FILIP1: variants seen among roughly 807,000 people sequenced by gnomAD.
The protein encoded by FILIP1 is filamin-A-interacting protein 1.
FILIP1 carries 61 observed loss-of-function variants against 102.1 expected under a neutral mutation model. That is an observed-to-expected ratio of 0.60 (90% CI 0.49 to 0.74). The LOEUF is 0.74. Ranked by LOEUF, FILIP1 falls within the 30% of genes least tolerant of loss-of-function variation. The pLI is 0.00. For missense variants in FILIP1, 1,314 were observed against 1,441.2 expected (o/e 0.91, Z 1.43); for synonymous variants, 491 against 526.9 (o/e 0.93, Z 0.93).
chr6:75,365,793 C>T (rs1363654018), intron 2 of FILIP1, among the ~76,000 whole-genome samples: 1 of 151,972 alleles, frequency 6.6e-6, no homozygotes, highest in Non-Finnish European at 1.5e-5. Flanking sequence ...AAAGTAGTAC[C>T]TTCATAAAGA....
intron 2 of FILIP1, among the ~76,000 whole-genome samples, chr6:75,389,600 G>T (rs1008009983): frequency 3.3e-5 from 5 of 152,098 alleles, no homozygotes; most frequent in African/African-American, 1.2e-4. Context: ...TTTAGTATTA[G>T]GAGGGTGTAT....
chr6:75,396,707 A>G (rs766652934), intron 2 of FILIP1, among the ~76,000 whole-genome samples: 6 of 152,104 alleles, frequency 3.9e-5, no homozygotes, highest in Non-Finnish European at 7.4e-5. Context: ...CCTGTCTCAC[A>G]GGCTACAAAG....
intron 1 of FILIP1, among the ~76,000 whole-genome samples, chr6:75,421,634 C>G (rs946302006): frequency 1.3e-5 from 2 of 152,182 alleles, no homozygotes; most frequent in African/African-American, 4.8e-5. Flanking sequence ...CTCGTACTGA[C>G]TTCCTCTGCT....
intron 1 of FILIP1, among the ~76,000 whole-genome samples, chr6:75,463,207 G>C (rs578004768): frequency 3.9e-5 from 6 of 152,208 alleles, no homozygotes; most frequent in Non-Finnish European, 7.4e-5. Flanking sequence ...ACAAAGTAAA[G>C]CCCACTATTG....
At chr6:75,473,027 T>C (rs1462851559) in intron 1 of FILIP1, among the ~76,000 whole-genome samples, 1 of 152,198 alleles carries the variant, frequency 6.6e-6, no homozygotes. Context: ...TTAAGGTCTA[T>C]ACTCTAGAGG....
chr6:75,315,599 G>A (rs1332666341), intron 4 of FILIP1, among the ~76,000 whole-genome samples: 2 of 152,166 alleles, frequency 1.3e-5, no homozygotes, highest in African/African-American at 4.8e-5. Context: ...TTTACATAAT[G>A]TCTTCTGTAT....
At chr6:75,486,208 C>A (rs185567383) in intron 1 of FILIP1, among the ~76,000 whole-genome samples, 1 of 152,250 alleles carries the variant, frequency 6.6e-6, no homozygotes, top group East Asian at 1.9e-4. Flanking sequence ...GACAAAAGCC[C>A]CAACAGTGTC....
chr6:75,316,198 A>G (rs1000328655), intron 4 of FILIP1, among the ~76,000 whole-genome samples: 18 of 149,594 alleles, frequency 1.2e-4, no homozygotes, highest in Middle Eastern at 3.3e-3. Flanking sequence ...TGGGTTGGTC[A>G]GTTAACTTGT....
intron 4 of FILIP1, among the ~76,000 whole-genome samples, chr6:75,352,785 A>G (rs772995599): frequency 6.6e-6 from 1 of 151,928 alleles, no homozygotes; most frequent in Admixed American, 6.6e-5. Flanking sequence ...AAACTAGATT[A>G]CTTCAAATAG....
At chr6:75,404,149 A>T (rs183709129) in intron 2 of FILIP1, among the ~76,000 whole-genome samples, 1 of 152,214 alleles carries the variant, frequency 6.6e-6, no homozygotes, top group Admixed American at 6.6e-5. Flanking sequence ...AGGTGGGGGG[A>T]TCACTTGAGC....
At chr6:75,296,341 T>TG (rs1772669108) in intron 6 of FILIP1, among the ~76,000 whole-genome samples, 15 of 141,484 alleles carry the variant, frequency 1.1e-4, no homozygotes, top group East Asian at 4.1e-4. Context: ...TTCAATTTCT[T>TG]TGTGTGTGTG....
intron 4 of FILIP1, among the ~76,000 whole-genome samples, chr6:75,340,912 G>A (rs949516953): frequency 2.1e-5 from 3 of 144,632 alleles, no homozygotes; most frequent in Non-Finnish European, 4.5e-5. Context: ...CCATATTGGC[G>A]AGGCTGATCT....
intron 4 of FILIP1, among the ~76,000 whole-genome samples, chr6:75,318,104 T>C (rs1444646920): frequency 6.6e-6 from 1 of 152,068 alleles, no homozygotes; most frequent in Non-Finnish European, 1.5e-5. Flanking sequence ...CTGTCACACG[T>C]CACACTCAAC....
At chr6:75,333,139 T>C (rs1476796496) in intron 4 of FILIP1, among the ~76,000 whole-genome samples, 1 of 152,200 alleles carries the variant, frequency 6.6e-6, no homozygotes, top group African/African-American at 2.4e-5. Flanking sequence ...TTCATTTACT[T>C]ACTCAGAAAA....
intron 2 of FILIP1, among the ~76,000 whole-genome samples, chr6:75,414,369 TCA>T (rs893139512): frequency 3.3e-5 from 5 of 152,182 alleles, no homozygotes; most frequent in African/African-American, 1.2e-4. Flanking sequence ...CATTTTTCAG[TCA>T]CAGTCAATGT....
chr6:75,365,399 C>T (rs1195384076), intron 2 of FILIP1, among the ~76,000 whole-genome samples: 2 of 152,056 alleles, frequency 1.3e-5, no homozygotes, highest in African/African-American at 4.8e-5. Flanking sequence ...GAGACAGAGT[C>T]TCAGTCTGTC....
intron 2 of FILIP1, among the ~76,000 whole-genome samples, chr6:75,413,926 T>C (rs1282224945): frequency 6.7e-6 from 1 of 150,298 alleles, no homozygotes; most frequent in East Asian, 2.0e-4. Flanking sequence ...ACATGGCTCA[T>C]GGCAACTAAA....
chr6:75,372,793 A>AGAAAGAAAGAAAGAAAGAAG, intron 2 of FILIP1, among the ~76,000 whole-genome samples: 1 of 41,480 alleles, frequency 2.4e-5, no homozygotes, highest in South Asian at 9.9e-4. Context: ...AAAGAAAGAA[A>AGAAAGAAAGAAAGAAAGAAG]GAAGGAAAGA....
intron 5 of FILIP1, among the ~76,000 whole-genome samples, chr6:75,311,457 C>A (rs1169599071): frequency 6.7e-6 from 1 of 150,310 alleles, no homozygotes; most frequent in African/African-American, 2.5e-5. Context: ...TTTCAATAAT[C>A]ATTCATTTAG....
Sources: allele counts gnomAD v4.1 joint callset (sites outside exome capture counted in the v4.1 genomes callset), GRCh38; gene constraint gnomAD v4.1.1; transcripts MANE v1.5; gene names NCBI Gene and HGNC (gene_info 2026-07-23, HGNC 2026-07-21).